LRP11: variants seen among roughly 807,000 people sequenced by gnomAD.
The protein encoded by LRP11 is LDL receptor related protein 11.
In LRP11, 25 loss-of-function variants were observed where a neutral mutation model predicts 43.1. The ratio of observed to expected loss-of-function variants is 0.58; its 90% CI spans 0.42 to 0.81. The LOEUF is 0.81. Ranked by LOEUF, LRP11 falls within the 30% of genes least tolerant of loss-of-function variation. LRP11 has a pLI of 0.00. For synonymous variants in LRP11, 316 were observed against 299.4 expected, an observed-to-expected ratio of 1.06 and a Z score of -0.57; for missense variants, 623 against 665.1, an observed-to-expected ratio of 0.94 and a Z score of 0.70.
intron 2 of LRP11, among the ~76,000 whole-genome samples, chr6:149,847,718 T>G (rs1583090196): frequency 6.6e-6 from 1 of 152,082 alleles, no homozygotes; most frequent in Admixed American, 6.6e-5. Flanking sequence ...TCTGGCCAAA[T>G]CAATGAATGA....
intron 1 of LRP11, among the ~76,000 whole-genome samples, chr6:149,862,501 CAA>C (rs1776925139): frequency 1.3e-5 from 2 of 150,260 alleles, no homozygotes. Flanking sequence ...AGAGCATCTA[CAA>C]AAAGTCAAAC....
At chr6:149,860,571 G>A (rs1003525655) in intron 1 of LRP11, among the ~76,000 whole-genome samples, 1 of 152,100 alleles carries the variant, frequency 6.6e-6, no homozygotes, top group African/African-American at 2.4e-5. Context: ...ACGACAGCCT[G>A]GGATGGAGGA....
rs746613588 is a variant in LRP11 at position 149,820,620 on chromosome 6, G to GT, written c.1431dup (p.Gln478ThrfsTer12). 9.0e-6 allele frequency: 7 copies of GT among 780,838 alleles called. No homozygotes were observed. The Admixed American group carries it at 1.2e-4, about 13-fold the overall frequency. 48.4% of individuals were successfully genotyped at this position (780,838 alleles called of 1,614,324 possible). On this transcript the variant is annotated frameshift_variant, in exon 7 of 7. Transcript: ENST00000239367. Reference sequence around the variant, plus strand: ...ATGGGACGAGCTTTTTTCAGTTTCTGTTTCACCAGTCGTAGTCGGCATGCA... The same window carrying GT: ...ATGGGACGAGCTTTTTTCAGTTTCTGTTTTCACCAGTCGTAGTCGGCATGCA...
intron 6 of LRP11, among the ~76,000 whole-genome samples, chr6:149,825,265 T>A (rs553926874): frequency 6.6e-6 from 1 of 152,352 alleles, no homozygotes; most frequent in South Asian, 2.1e-4. Flanking sequence ...GTTTCCAAAG[T>A]CTTTTCTTCC....
At chr6:149,825,358 A>G (rs777185347) in intron 6 of LRP11, among the ~76,000 whole-genome samples, 6 of 151,968 alleles carry the variant, frequency 3.9e-5, no homozygotes, top group Non-Finnish European at 8.8e-5. Flanking sequence ...CCCTTCCCTC[A>G]TTTCTGTTGT....
chr6:149,820,390 A>T lies in LRP11; in HGVS notation c.*159T>A. On this transcript the variant is annotated 3_prime_UTR_variant, in exon 7 of 7. Coordinates refer to ENST00000239367, the MANE Select transcript of LRP11 (RefSeq NM_032832.6). ...ATTTCAAAATATTTTATGACTTCTA[A>T]GGAAACTTTTTTTACAATAAATAAT... 2.4e-6 allele frequency: 1 copy of T among 421,492 alleles called. No homozygotes were observed. Among genetic ancestry groups the T allele is most frequent in the Non-Finnish European group, 3.9e-6 (1 of 253,266 alleles). 26.1% of individuals were successfully genotyped at this position (421,492 alleles called of 1,614,324 possible).
At chr6:149,830,749 T>C (rs1583078298) in intron 5 of LRP11, among the ~76,000 whole-genome samples, 5 of 152,178 alleles carry the variant, frequency 3.3e-5, no homozygotes, top group Admixed American at 2.6e-4. Flanking sequence ...AATGCCCTTA[T>C]TCCCTGGGGA....
intron 3 of LRP11, 110 bp from the exon 4 acceptor site, chr6:149,837,573 T>C: frequency 1.8e-6 from 2 of 1,126,520 alleles, no homozygotes; most frequent in Middle Eastern, 2.1e-4. Context: ...GGGGAAGAGA[T>C]GCAAATAATG....
In LRP11 at chr6:149,822,076, G is replaced by A. The variant is rs149253796; in HGVS notation, c.1349-1373C>T. ...CAACAATGAAGTGAGGGCCAGGCAC[G>A]GTGGCTCAGGCCTGTGATACCAGCA... On this transcript the variant is annotated intron_variant, in intron 6 of 6. Coordinates refer to ENST00000239367, the MANE Select transcript of LRP11 (RefSeq NM_032832.6). Among the ~76,000 whole-genome samples, 899 of 152,232 alleles carry A rather than the reference G, an allele frequency of 5.9e-3. 7 individuals are homozygous for A. Among genetic ancestry groups the A allele is most frequent in the African/African-American group, 0.021 (858 of 41,548 alleles).
intron 2 of LRP11, among the ~76,000 whole-genome samples, chr6:149,844,175 A>T (rs1194866152): frequency 1.3e-5 from 2 of 151,032 alleles, no homozygotes; most frequent in East Asian, 3.9e-4. Flanking sequence ...ATCGCTTAAA[A>T]CTGGGAGACA....
Position 149,820,344 on chromosome 6 carries a change from T to C in LRP11, c.*205A>G. On this transcript the variant is annotated 3_prime_UTR_variant, in exon 7 of 7. Transcript: ENST00000239367. ...TCAGAATTATATTTTTAGGAATCTT[T>C]AATCATGAATTCCTCTCTAAATTTC... The C allele has an allele frequency of 2.3e-6, 1 of 428,188 alleles. No homozygotes were observed. The highest frequency in any genetic ancestry group is 2.0e-5 in the African/African-American group (1 of 49,062). The allele number at this position is 428,188 out of a possible 1,614,324, so 26.5% of individuals were successfully genotyped here.
chr6:149,821,907 T>C (rs998101094), intron 6 of LRP11, among the ~76,000 whole-genome samples: 37 of 152,220 alleles, frequency 2.4e-4, no homozygotes, highest in African/African-American at 8.9e-4. Context: ...ATAATCCTTT[T>C]ATTTGTAAAT....
Position 149,838,245 on chromosome 6 carries a change from G to C in LRP11, c.914-782C>G, listed in dbSNP as rs114760019. On this transcript the variant is annotated intron_variant, in intron 3 of 6. Transcript: ENST00000239367. ...AGAGGTACTATTTTACATATGCTAT[G>C]TCTTACATTCTTGTCTCCTAAGTAA... is the stretch of plus-strand genomic sequence containing the variant. Among the ~76,000 whole-genome samples the C allele has an allele frequency of 4.7e-3, 719 of 151,932 alleles. 5 individuals are homozygous for C. The highest frequency in any genetic ancestry group is 0.016 in the African/African-American group (681 of 41,462).
chr6:149,853,661 C>T (rs531750180), intron 1 of LRP11, among the ~76,000 whole-genome samples: 1 of 152,258 alleles, frequency 6.6e-6, no homozygotes, highest in East Asian at 1.9e-4. Context: ...GTGTGTGCCA[C>T]CACATCCTGC....
At chr6:149,824,651 A>C (rs1776315785) in intron 6 of LRP11, among the ~76,000 whole-genome samples, 1 of 151,996 alleles carries the variant, frequency 6.6e-6, no homozygotes, top group Admixed American at 6.6e-5. Flanking sequence ...TTGAGGTCAG[A>C]AGTTTTGAGA....
intron 5 of LRP11, among the ~76,000 whole-genome samples, chr6:149,828,256 A>G (rs1230642609): frequency 6.6e-6 from 1 of 152,096 alleles, no homozygotes; most frequent in Non-Finnish European, 1.5e-5. Flanking sequence ...AGTACTGTAA[A>G]CATCTGCTGA....
rs151224583 is a variant in LRP11, at chr6:149,826,317, A to G, written c.1295T>C (p.Ile432Thr). Residue 432 changes from isoleucine (I) to threonine (T), a missense_variant, in exon 6 of 7, where the codon ATA becomes ACA. Physicochemically the swap from Ile to Thr is moderately conservative, Grantham distance 89. Transcript: ENST00000239367. Reference sequence around the variant, plus strand: ...TCCTCCATCACCCTTTGACTCAAATATATAACTTTCCTCTTTTCTGTTCTT... The same window carrying G: ...TCCTCCATCACCCTTTGACTCAAATGTATAACTTTCCTCTTTTCTGTTCTT... ...SGKNRKEESY[I>T]FESKGDGGGG... 505 of 1,613,806 alleles carry G rather than the reference A, an allele frequency of 3.1e-4. 1 individual carries two copies. The highest frequency in any genetic ancestry group is 5.2e-4 in the Admixed American group (31 of 60,014).
chr6:149,858,390 G>A (rs1050605298), intron 1 of LRP11, among the ~76,000 whole-genome samples: 2 of 152,074 alleles, frequency 1.3e-5, no homozygotes, highest in African/African-American at 4.8e-5. Context: ...TTTTTTTATG[G>A]CTGCACAGTA....
At chr6:149,860,274 T>C (rs1351891118) in intron 1 of LRP11, among the ~76,000 whole-genome samples, 1 of 152,142 alleles carries the variant, frequency 6.6e-6, no homozygotes, top group Non-Finnish European at 1.5e-5. Flanking sequence ...TCCCAAATTC[T>C]TCCCCGAGAT....
Sources: gnomAD v4.1 joint callset for allele counts (sites outside exome capture counted in the v4.1 genomes callset) on GRCh38, gnomAD v4.1.1 for gene constraint, MANE v1.5 for transcripts, NCBI Gene and HGNC (gene_info 2026-07-23, HGNC 2026-07-21) for gene names.